The following ITPR1 variants were observed in gnomAD, a reference collection of about 807,000 sequenced individuals.
ITPR1 encodes the protein inositol 1,4,5-trisphosphate-gated calcium channel ITPR1.
ITPR1 carries 96 observed loss-of-function variants against 318.4 expected under a neutral mutation model. That is an observed-to-expected ratio of 0.30 (90% confidence interval 0.26 to 0.36). The LOEUF (loss-of-function observed/expected upper bound fraction) is 0.36. Ranked by LOEUF, ITPR1 falls within the 10% of genes least tolerant of loss-of-function variation. ITPR1 has a pLI of 1.00. For missense variants in ITPR1, 2,440 were observed against 3,460.2 expected, an observed-to-expected ratio of 0.71 and a Z score of 7.40; for synonymous variants, 1,312 against 1,289.9, an observed-to-expected ratio of 1.02 and a Z score of -0.37.
At chr3:4,614,457 A>G (rs1030912824) in intron 4 of ITPR1, among the ~76,000 whole-genome samples, 5 of 152,212 alleles carry the variant, frequency 3.3e-5, no homozygotes, top group African/African-American at 1.2e-4. Context: ...AAGGACTTCA[A>G]GCAAAGTAGT....
At chr3:4,835,893 G>A (rs2050877045) in intron 60 of ITPR1, among the ~76,000 whole-genome samples, 1 of 152,004 alleles carries the variant, frequency 6.6e-6, no homozygotes, top group Admixed American at 6.5e-5. Context: ...GGGATGGACG[G>A]GGGAGGAAAC....
intron 4 of ITPR1, among the ~76,000 whole-genome samples, chr3:4,551,326 G>A (rs1393489587): frequency 6.6e-6 from 1 of 152,234 alleles, no homozygotes; most frequent in Non-Finnish European, 1.5e-5. Context: ...TATGGGATGA[G>A]TTATTCTACT....
intron 49 of ITPR1, 96 bp from the exon 50 acceptor site, chr3:4,782,523 C>T: frequency 7.5e-7 from 1 of 1,327,412 alleles, no homozygotes; most frequent in Non-Finnish European, 1.0e-6. Context: ...CAGCCTTTTC[C>T]CTGGGAGGGG....
chr3:4,688,769 C>T (rs945594079), intron 31 of ITPR1, 149 bp downstream of exon 31: 11 of 784,258 alleles, frequency 1.4e-5, no homozygotes, highest in Admixed American at 2.8e-5. Flanking sequence ...TCACTTATCA[C>T]GAGGACATAA....
intron 45 of ITPR1, among the ~76,000 whole-genome samples, chr3:4,767,341 G>T (rs140485039): frequency 6.6e-6 from 1 of 152,242 alleles, no homozygotes; most frequent in African/African-American, 2.4e-5. Context: ...GATGCCAGCA[G>T]CATACCCCTA....
At chr3:4,801,153 G>A (rs1364630708) in intron 54 of ITPR1, among the ~76,000 whole-genome samples, 1 of 152,142 alleles carries the variant, frequency 6.6e-6, no homozygotes, top group East Asian at 1.9e-4. Context: ...TTCATCTCTG[G>A]GAGAATTCTT....
chr3:4,835,542 A>G (rs1559982974), intron 60 of ITPR1, among the ~76,000 whole-genome samples: 1 of 152,010 alleles, frequency 6.6e-6, no homozygotes, highest in Non-Finnish European at 1.5e-5. Flanking sequence ...ACACAAAGCA[A>G]CAATTATCCA....
Position 4,697,192 on chromosome 3 carries a change from A to T in ITPR1, c.4327A>T (p.Thr1443Ser). The T allele has an allele frequency of 6.2e-7, 1 of 1,606,376 alleles. No homozygotes were observed. The highest frequency in any genetic ancestry group is 8.5e-7 in the Non-Finnish European group (1 of 1,175,582). The change falls in exon 34 of 62, where the codon ACA becomes TCA. Residue 1443 changes from threonine to serine, a missense_variant. Coordinates refer to ENST00000649015, the MANE Select transcript of ITPR1 (RefSeq NM_001378452.1). Reference sequence around the variant, plus strand: ...CTTCCTGAATCACTGCTATGTGGATACAGAGGTGGAAATGAAGGAGATTTA... The same window carrying T: ...CTTCCTGAATCACTGCTATGTGGATTCAGAGGTGGAAATGAAGGAGATTTA... ...INFLNHCYVDTEVEMKEIYTS... is the reference protein window; with the variant it reads ...INFLNHCYVDSEVEMKEIYTS...
intron 29 of ITPR1, among the ~76,000 whole-genome samples, chr3:4,684,598 C>G (rs113358739): frequency 1.3e-5 from 2 of 152,146 alleles, no homozygotes; most frequent in East Asian, 1.9e-4. Context: ...TCGTAGGCAC[C>G]GCATATTTCT....
chr3:4,699,706 C>G (rs2094613598), intron 34 of ITPR1, 107 bp from the exon 35 acceptor site: 1 of 1,024,276 alleles, frequency 9.8e-7, no homozygotes. Flanking sequence ...GGCCAGCAGG[C>G]CTTTACCTTT....
chr3:4,706,593 A>T (rs951416615), intron 37 of ITPR1, among the ~76,000 whole-genome samples: 4 of 152,216 alleles, frequency 2.6e-5, no homozygotes, highest in African/African-American at 9.7e-5. Flanking sequence ...TTCTTGGTGA[A>T]AAATTGGGAC....
At chr3:4,500,193 G>A (rs533382484) in intron 2 of ITPR1, among the ~76,000 whole-genome samples, 1 of 152,254 alleles carries the variant, frequency 6.6e-6, no homozygotes, top group Admixed American at 6.5e-5. Flanking sequence ...TTTTAAGAGG[G>A]AAATTTTGTT....
chr3:4,608,128 CA>C (rs1294117241), intron 4 of ITPR1, among the ~76,000 whole-genome samples: 1 of 152,170 alleles, frequency 6.6e-6, no homozygotes, highest in African/African-American at 2.4e-5. Context: ...TTAGCCAGAT[CA>C]GATCCTCCCC....
At chr3:4,690,296 A>G (rs773138380) in intron 31 of ITPR1, among the ~76,000 whole-genome samples, 26 of 152,318 alleles carry the variant, frequency 1.7e-4, no homozygotes, top group South Asian at 6.2e-4. Flanking sequence ...TAAGTAAATA[A>G]GAACGTAAAG....
At chr3:4,788,953 C>T (rs1476434748) in intron 52 of ITPR1, among the ~76,000 whole-genome samples, 2 of 152,142 alleles carry the variant, frequency 1.3e-5, no homozygotes, top group African/African-American at 2.4e-5. Flanking sequence ...GGTCAGTTTC[C>T]CAGAGCTTTC....
Position 4,675,223 on chromosome 3 carries a change from TAAC to T in ITPR1, c.2757_2759del (p.Asn920del). On this transcript the variant is annotated inframe_deletion, in exon 23 of 62. Transcript: ENST00000649015. Reference sequence around the variant, plus strand: ...TGGCGAAAGGAGAAGAGAATAAAGGTAACAATGATGTGGAGAAGCTGAAGAGTG... The same window carrying T: ...TGGCGAAAGGAGAAGAGAATAAAGGTAATGATGTGGAGAAGCTGAAGAGTG... 6.2e-7 allele frequency: 1 copy of T among 1,611,186 alleles called. No homozygotes were observed. Among genetic ancestry groups the T allele is most frequent in the Non-Finnish European group, 8.5e-7 (1 of 1,178,984 alleles).
intron 44 of ITPR1, among the ~76,000 whole-genome samples, chr3:4,736,373 G>A (rs1251358226): frequency 6.6e-6 from 1 of 152,260 alleles, no homozygotes; most frequent in Admixed American, 6.5e-5. Flanking sequence ...GTGAGTCAGT[G>A]TGCCCCCGGC....
At chr3:4,495,543 T>C (rs146192695) in intron 2 of ITPR1, among the ~76,000 whole-genome samples, 54 of 152,336 alleles carry the variant, frequency 3.5e-4, no homozygotes, top group African/African-American at 1.2e-3. Flanking sequence ...TGGGTGCTCA[T>C]AGAGCCAAGG....
chr3:4,779,394 G>A lies in ITPR1; in HGVS notation c.6292-156G>A, dbSNP rs535488409. Among the ~76,000 whole-genome samples the A allele has an allele frequency of 3.1e-4, 47 of 152,376 alleles. No homozygotes were observed. Among genetic ancestry groups the A allele is most frequent in the African/African-American group, 1.1e-3 (47 of 41,598 alleles). On this transcript the variant is annotated intron_variant, in intron 48 of 61. Transcript: ENST00000649015. The surrounding 1 kb of genome is among the most constrained non-coding windows in gnomAD (Gnocchi z 4.0). ...AGGGGGATGCTCTCTGCCTGGTGCAGATGGATTTTGATGTCCTTAACCCAG... is the reference window on the plus strand; with the variant it reads ...AGGGGGATGCTCTCTGCCTGGTGCAAATGGATTTTGATGTCCTTAACCCAG...
Sources: allele counts gnomAD v4.1 joint callset (sites outside exome capture counted in the v4.1 genomes callset), GRCh38; gene constraint gnomAD v4.1.1; non-coding constraint Gnocchi (gnomAD v3.1); transcripts MANE v1.5; gene names NCBI Gene and HGNC (gene_info 2026-07-23, HGNC 2026-07-21).